ALK: variants seen among roughly 807,000 people sequenced by gnomAD.
ALK encodes the protein ALK tyrosine kinase receptor.
Under a neutral mutation model 163.1 loss-of-function variants are expected in ALK, and 74 were observed. The ratio of observed to expected loss-of-function variants is 0.45; its 90% confidence interval spans 0.38 to 0.55. ALK has a LOEUF of 0.55. Among genes scored for constraint, ALK ranks in the 20% least tolerant of loss-of-function variants. The probability of loss-of-function intolerance (pLI) is 0.00; values close to 1 mark genes in which losing one functional copy is unlikely to be tolerated. For synonymous variants in ALK, 960 were observed against 843.2 expected (o/e 1.14, Z -2.40); for missense variants, 2,063 against 2,105.3 (o/e 0.98, Z 0.39).
chr2:29,407,836 C>T (rs1255578698), intron 4 of ALK, among the ~76,000 whole-genome samples: 2 of 152,188 alleles, frequency 1.3e-5, no homozygotes, highest in Non-Finnish European at 1.5e-5. Flanking sequence ...AGCTGCTCAT[C>T]GCATCACCTG....
At position 29,615,675 on chromosome 2, in the gene ALK, G is replaced by C. The variant is rs144075308; in HGVS notation, c.952+79175C>G. 1.0e-3 allele frequency among the ~76,000 whole-genome samples: 156 copies of C among 152,190 alleles called. 1 individual carries two copies. The highest frequency in any genetic ancestry group is 1.9e-3 in the Non-Finnish European group (126 of 68,000). On this transcript the variant is annotated intron_variant, in intron 3 of 28. Transcript: ENST00000389048. ...GGAGGATCCTTCATAGCAGGGATTGGGTCTTATTCATCTTTGCACTTTTCT... is the reference window on the plus strand; with the variant it reads ...GGAGGATCCTTCATAGCAGGGATTGCGTCTTATTCATCTTTGCACTTTTCT...
intron 1 of ALK, among the ~76,000 whole-genome samples, chr2:29,773,231 T>C (rs1477803425): frequency 7.6e-6 from 1 of 130,810 alleles, no homozygotes; most frequent in Non-Finnish European, 1.6e-5. Flanking sequence ...ACACAGTAAA[T>C]GTACACACAC....
chr2:29,220,598 C>G (rs547446011), intron 23 of ALK, 108 bp downstream of exon 23: 3 of 1,527,316 alleles, frequency 2.0e-6, no homozygotes, highest in Non-Finnish European at 1.8e-6. Flanking sequence ...AAGTTGACAC[C>G]CTGGGTTCCA....
At chr2:29,739,367 G>A (rs1320501752) in intron 1 of ALK, among the ~76,000 whole-genome samples, 1 of 150,788 alleles carries the variant, frequency 6.6e-6, no homozygotes, top group Non-Finnish European at 1.5e-5. Flanking sequence ...AGACCATCCT[G>A]GCCAACTTTG....
rs183273956 is a variant in ALK at position 29,429,761 on chromosome 2, C to T, written c.1155-45902G>A. On this transcript the variant is annotated intron_variant, in intron 4 of 28. Transcript: ENST00000389048. Reference sequence around the variant, plus strand: ...ATTCATATAAAATTTTCGAGGGACCCCAAATAGCCAAAAGAGTTTTTAATA... The same window carrying T: ...ATTCATATAAAATTTTCGAGGGACCTCAAATAGCCAAAAGAGTTTTTAATA... Among the ~76,000 whole-genome samples, 464 of 151,994 alleles carry T rather than the reference C, an allele frequency of 3.1e-3. 1 individual carries two copies. Among genetic ancestry groups the T allele is most frequent in the Admixed American group, 4.9e-3 (75 of 15,258 alleles).
At chr2:29,904,690 T>C (rs904048598) in intron 1 of ALK, among the ~76,000 whole-genome samples, 1 of 152,228 alleles carries the variant, frequency 6.6e-6, no homozygotes, top group Non-Finnish European at 1.5e-5. Context: ...ACTATTTTCA[T>C]ATTAGCTTAA....
At chr2:29,223,662 G>T (rs2148171599) in intron 19 of ALK, 134 bp from the exon 20 acceptor site, 2 of 743,142 alleles carry the variant, frequency 2.7e-6, no homozygotes, top group Non-Finnish European at 4.5e-6. Flanking sequence ...ATCATACTTA[G>T]AAATACTAAT....
chr2:29,409,140 A>T (rs1669666617), intron 4 of ALK, among the ~76,000 whole-genome samples: 1 of 152,148 alleles, frequency 6.6e-6, no homozygotes, highest in Non-Finnish European at 1.5e-5. Flanking sequence ...ATAACGTGCA[A>T]CCCAAGGAGT....
At chr2:29,492,338 G>A (rs1013868682) in intron 4 of ALK, among the ~76,000 whole-genome samples, 3 of 152,184 alleles carry the variant, frequency 2.0e-5, no homozygotes, top group African/African-American at 7.2e-5. Context: ...AAGACATGGA[G>A]CTAGCCACTG....
chr2:29,835,364 C>T (rs1665532074), intron 1 of ALK, among the ~76,000 whole-genome samples: 1 of 152,160 alleles, frequency 6.6e-6, no homozygotes, highest in South Asian at 2.1e-4. Flanking sequence ...TTTCTACCCT[C>T]AAATAACATT....
chr2:29,770,270 C>T (rs1680982651), intron 1 of ALK, among the ~76,000 whole-genome samples: 1 of 152,246 alleles, frequency 6.6e-6, no homozygotes, highest in African/African-American at 2.4e-5. Flanking sequence ...GCCTATACCT[C>T]TAAGCAGGTA....
intron 4 of ALK, among the ~76,000 whole-genome samples, chr2:29,530,658 G>C (rs1214036362): frequency 5.3e-5 from 8 of 152,214 alleles, no homozygotes; most frequent in South Asian, 2.1e-4. Flanking sequence ...TCCCATCCAG[G>C]CTTCTTACTG....
In ALK at chr2:29,239,729, T is replaced by A. The variant is rs1205473928; in HGVS notation, c.2306A>T (p.Asp769Val). The change falls in exon 13 of 29, where the codon GAC becomes GTC. Residue 769 changes from aspartate to valine, a missense_variant. By Grantham distance (152) the Asp-to-Val change is radical. Coordinates refer to ENST00000389048, the MANE Select transcript of ALK (RefSeq NM_004304.5). Reference sequence around the variant, plus strand: ...CTGCCCAACCAGGATGTACAGCATGTCATCCTTCTCCAGGTTGAAGATGCC... The same window carrying A: ...CTGCCCAACCAGGATGTACAGCATGACATCCTTCTCCAGGTTGAAGATGCC... ...VLGIFNLEKD[D>V]MLYILVGQQG... is the part of the protein sequence containing the mutation. 9.3e-6 allele frequency: 15 copies of A among 1,614,088 alleles called. No homozygotes were observed. The highest frequency in any genetic ancestry group is 1.3e-5 in the Non-Finnish European group (15 of 1,180,016).
chr2:29,660,900 T>C (rs1015007584), intron 3 of ALK, among the ~76,000 whole-genome samples: 2 of 152,138 alleles, frequency 1.3e-5, no homozygotes, highest in Non-Finnish European at 2.9e-5. Context: ...CATAAAGGCA[T>C]AGAAGAAGGA....
rs2148258343 is a variant in ALK, at chr2:29,328,426, C to A, written c.1338G>T (p.Gly446=). The A allele has an allele frequency of 1.2e-6, 2 of 1,614,196 alleles. No individual in the cohort carries two copies. Among genetic ancestry groups the A allele is most frequent in the Non-Finnish European group, 1.7e-6 (2 of 1,180,020 alleles). Residue 446 remains glycine (G), a synonymous_variant, in exon 6 of 29, where the codon GGG becomes GGT. Transcript: ENST00000389048. ...AGGCCTGCCCAAGCTGGAGGACTGT[C>A]CCATTCCAACAAGTGAAGGAGCTCT... ...ALQSSFTCWN[G]TVLQLGQACD...
Position 29,333,887 on chromosome 2 carries a change from G to C in ALK, c.1283-5406C>G, listed in dbSNP as rs112689757. Among the ~76,000 whole-genome samples the C allele has an allele frequency of 9.7e-3, 1,476 of 152,286 alleles. 36 individuals are homozygous for C. The highest frequency in any genetic ancestry group is 0.033 in the African/African-American group (1,382 of 41,558). On this transcript the variant is annotated intron_variant, in intron 5 of 28. Coordinates refer to ENST00000389048, the MANE Select transcript of ALK (RefSeq NM_004304.5). ...TCAGCCTCCTGAAGTGCTGGGATTAGAGGTGTGAGCCACTGCACCCAGCCT... is the reference window on the plus strand; with the variant it reads ...TCAGCCTCCTGAAGTGCTGGGATTACAGGTGTGAGCCACTGCACCCAGCCT...
At chr2:29,330,607 C>T (rs1015224543) in intron 5 of ALK, among the ~76,000 whole-genome samples, 1 of 152,154 alleles carries the variant, frequency 6.6e-6, no homozygotes, top group African/African-American at 2.4e-5. Flanking sequence ...ATCCGAATCC[C>T]TGGGGCCCGT....
rs78182768 is a variant in ALK at position 29,488,633 on chromosome 2, C to G, written c.1154+43282G>C. ...AAAAATGATGTGTAGCATTCTTTTTCTTCACCATGTACTCATGATCTTCAT... is the reference window on the plus strand; with the variant it reads ...AAAAATGATGTGTAGCATTCTTTTTGTTCACCATGTACTCATGATCTTCAT... On this transcript the variant is annotated intron_variant, in intron 4 of 28. Coordinates refer to ENST00000389048, the MANE Select transcript of ALK (RefSeq NM_004304.5). 8.8e-3 allele frequency among the ~76,000 whole-genome samples: 1,344 copies of G among 152,218 alleles called. 20 individuals are homozygous for G. Among genetic ancestry groups the G allele is most frequent in the African/African-American group, 0.031 (1,269 of 41,540 alleles).
chr2:29,211,739 G>GT (rs902237236), intron 24 of ALK, among the ~76,000 whole-genome samples: 1 of 151,976 alleles, frequency 6.6e-6, no homozygotes, highest in Non-Finnish European at 1.5e-5. Flanking sequence ...TGTAAAAGAC[G>GT]TTTTTTCCAT....
Sources: gnomAD v4.1 joint callset for allele counts (sites outside exome capture counted in the v4.1 genomes callset) on GRCh38, gnomAD v4.1.1 for gene constraint, MANE v1.5 for transcripts, NCBI Gene and HGNC (gene_info 2026-07-23, HGNC 2026-07-21) for gene names.